PITPNM2: variants seen among roughly 807,000 people sequenced by gnomAD.
PITPNM2 encodes the protein membrane-associated phosphatidylinositol transfer protein 2.
Under a neutral mutation model 132.2 loss-of-function variants are expected in PITPNM2, and 35 were observed. The observed-to-expected ratio is 0.26, with a 90% CI of 0.20 to 0.35. The LOEUF (loss-of-function observed/expected upper bound fraction) is 0.35, where lower values mean the gene tolerates loss of function less well. Among genes scored for constraint, PITPNM2 ranks in the 10% least tolerant of loss-of-function variants. PITPNM2 has a pLI of 1.00. For synonymous variants in PITPNM2, 738 were observed against 799.2 expected, an observed-to-expected ratio of 0.92 and a Z score of 1.29; for missense variants, 1,332 against 1,912.0, an observed-to-expected ratio of 0.70 and a Z score of 5.66.
chr12:123,072,670 G>A (rs1052395039), intron 2 of PITPNM2, among the ~76,000 whole-genome samples: 1 of 152,242 alleles, frequency 6.6e-6, no homozygotes, highest in Non-Finnish European at 1.5e-5. Flanking sequence ...AGTGCTCCCT[G>A]TCAACAGCTG....
intron 2 of PITPNM2, among the ~76,000 whole-genome samples, chr12:123,048,990 C>T (rs2040768572): frequency 6.6e-6 from 1 of 152,010 alleles, no homozygotes; most frequent in South Asian, 2.1e-4. Flanking sequence ...TAAAACTAGC[C>T]CAGCATGGTG....
At chr12:123,029,312 T>G (rs555897731) in intron 3 of PITPNM2, among the ~76,000 whole-genome samples, 1 of 152,200 alleles carries the variant, frequency 6.6e-6, no homozygotes, top group Non-Finnish European at 1.5e-5. Flanking sequence ...AAACTGGCTG[T>G]GCATGGTGGC....
intron 2 of PITPNM2, among the ~76,000 whole-genome samples, chr12:123,100,429 C>A (rs539062461): frequency 6.6e-6 from 1 of 152,174 alleles, no homozygotes; most frequent in East Asian, 1.9e-4. Context: ...AGATCGAGAC[C>A]AGCCTGACCA....
At chr12:123,135,797 C>T (rs1273942034) in intron 1 of PITPNM2, among the ~76,000 whole-genome samples, 1 of 152,220 alleles carries the variant, frequency 6.6e-6, no homozygotes, top group Non-Finnish European at 1.5e-5. Context: ...TAGCCCCAAA[C>T]TCCTGAGCTC....
chr12:122,986,672 T>A lies in PITPNM2; in HGVS notation c.3571A>T (p.Asn1191Tyr). 1.9e-6 allele frequency: 3 copies of A among 1,613,342 alleles called. No individual in the cohort carries two copies. The highest frequency in any genetic ancestry group is 2.5e-6 in the Non-Finnish European group (3 of 1,179,922). ...LVHDPLRHKANFLKLLISELH... is the reference protein window; with the variant it reads ...LVHDPLRHKAYFLKLLISELH... ...TCGGAGATGAGCAGCTTCAGGAAGTTGGCCTTGTGCCGCAGCGGGTCATGC... is the reference window on the plus strand; with the variant it reads ...TCGGAGATGAGCAGCTTCAGGAAGTAGGCCTTGTGCCGCAGCGGGTCATGC... Residue 1191 changes from asparagine (N) to tyrosine (Y), a missense_variant, in exon 24 of 26, where the codon AAC becomes TAC. By Grantham distance (143) the Asn-to-Tyr change is moderately radical. Transcript: ENST00000320201.
intron 2 of PITPNM2, chr12:123,090,165 C>T (rs2042218733): frequency 6.6e-6 from 1 of 152,190 alleles, no homozygotes; most frequent in Admixed American, 6.6e-5. Context: ...CTGCAGTCAT[C>T]TGAAGGTTTG....
upstream of PITPNM2, among the ~76,000 whole-genome samples, chr12:123,151,680 G>A (rs1305405951): frequency 2.6e-5 from 4 of 152,158 alleles, no homozygotes; most frequent in Non-Finnish European, 5.9e-5. Flanking sequence ...GTTTAATCCG[G>A]ATGATCTGGC....
At chr12:123,147,611 G>A (rs1179846169) in intron 1 of PITPNM2, among the ~76,000 whole-genome samples, 1 of 152,190 alleles carries the variant, frequency 6.6e-6, no homozygotes, top group African/African-American at 2.4e-5. Flanking sequence ...CAATAAATAT[G>A]CTGATGTTGA....
At chr12:123,060,978 A>G (rs1316831862) in intron 2 of PITPNM2, among the ~76,000 whole-genome samples, 1 of 152,024 alleles carries the variant, frequency 6.6e-6, no homozygotes, top group African/African-American at 2.4e-5. Flanking sequence ...GCATCCCTTC[A>G]CCCATGCATC....
At chr12:123,151,290 T>A (rs1206521174), upstream of PITPNM2, among the ~76,000 whole-genome samples, 2 of 150,336 alleles carry the variant, frequency 1.3e-5, no homozygotes, top group African/African-American at 4.9e-5. Context: ...ACCCCGCTCC[T>A]CCCCGGCTCG....
chr12:123,007,220 T>C (rs2038972506), intron 6 of PITPNM2, among the ~76,000 whole-genome samples: 1 of 152,232 alleles, frequency 6.6e-6, no homozygotes, highest in Non-Finnish European at 1.5e-5. Flanking sequence ...GGGTGAGTTT[T>C]GTCCATGGAT....
intron 1 of PITPNM2, among the ~76,000 whole-genome samples, chr12:123,127,314 G>A (rs2043159320): frequency 1.3e-5 from 2 of 152,162 alleles, no homozygotes; most frequent in Admixed American, 1.3e-4. Flanking sequence ...GCAGCTGCCT[G>A]AACTGTCCGG....
rs190175308 is a variant in PITPNM2 at position 123,116,016 on chromosome 12, G to A, written c.-199-5528C>T. Among the ~76,000 whole-genome samples, 263 of 152,324 alleles carry A rather than the reference G, an allele frequency of 1.7e-3. 1 individual carries two copies. Among genetic ancestry groups the A allele is most frequent in the Middle Eastern group, 6.8e-3 (2 of 294 alleles). On this transcript the variant is annotated intron_variant, in intron 1 of 25. Transcript: ENST00000320201. ...GGGTTTATGTGAATGGGTCTGCAAA[G>A]ATCTTTTCCCAGGGTGGTTGCCGGG...
Position 122,995,610 on chromosome 12 carries a change from G to C in PITPNM2, c.1833C>G (p.Cys611Trp). 1 of 1,604,234 alleles carries C rather than the reference G, an allele frequency of 6.2e-7. No individual in the cohort carries two copies. The highest frequency in any genetic ancestry group is 2.2e-5 in the East Asian group (1 of 44,772). Residue 611 changes from cysteine to tryptophan, a missense_variant, in exon 14 of 26, where the codon TGC becomes TGG. Around this residue, in one of 6 missense-constraint regions of PITPNM2, gnomAD observed 710 missense variants for 911.5 expected, o/e 0.78. Coordinates refer to ENST00000320201, the MANE Select transcript of PITPNM2 (RefSeq NM_020845.3). Reference protein sequence around the residue: ...PGILMNAAHCCGGGGGGGGGG... With the variant: ...PGILMNAAHCWGGGGGGGGGG... Reference sequence around the variant, plus strand: ...CGCCACCGCCGCCACCGCCACCACCGCAGCAGTGTGCTGCATTCATCAGGA... The same window carrying C: ...CGCCACCGCCGCCACCGCCACCACCCCAGCAGTGTGCTGCATTCATCAGGA...
rs1348771910 is a variant in PITPNM2 at position 122,988,883 on chromosome 12, G to C, written c.2732-11C>G. 1 of 1,553,226 alleles carries C rather than the reference G, an allele frequency of 6.4e-7. No individual in the cohort carries two copies. Reference sequence around the variant, plus strand: ...ACCACTTTGCAGCGACTGCCAGGAGGGGCCGTGACTGGGCTGGGGCTGTAT... The same window carrying C: ...ACCACTTTGCAGCGACTGCCAGGAGCGGCCGTGACTGGGCTGGGGCTGTAT... On this transcript the variant is annotated splice_polypyrimidine_tract_variant and intron_variant, in intron 18 of 25. Transcript: ENST00000320201.
intron 8 of PITPNM2, among the ~76,000 whole-genome samples, chr12:123,003,624 T>C (rs1319335597): frequency 6.6e-6 from 1 of 152,240 alleles, no homozygotes; most frequent in Non-Finnish European, 1.5e-5. Context: ...CCTTATGTGG[T>C]TCCTGTGCCC....
chr12:123,040,812 T>C (rs1424217752), intron 2 of PITPNM2, among the ~76,000 whole-genome samples: 1 of 152,200 alleles, frequency 6.6e-6, no homozygotes, highest in Non-Finnish European at 1.5e-5. Context: ...TTAAATTTAA[T>C]TTTTACTTTA....
At chr12:123,124,121 T>G (rs892320543) in intron 1 of PITPNM2, among the ~76,000 whole-genome samples, 10 of 149,174 alleles carry the variant, frequency 6.7e-5, no homozygotes, top group Admixed American at 2.0e-4. Flanking sequence ...CCTGGCGTGG[T>G]GGCAGATGCC....
chr12:123,091,539 G>A (rs895505946), intron 2 of PITPNM2: 1 of 152,230 alleles, frequency 6.6e-6, no homozygotes, highest in Non-Finnish European at 1.5e-5. Flanking sequence ...GGTGCTGAGT[G>A]AGGGTCATGG....
Sources: allele counts gnomAD v4.1 joint callset (sites outside exome capture counted in the v4.1 genomes callset), GRCh38; gene constraint gnomAD v4.1.1; regional missense constraint gnomAD v4.1.1; transcripts MANE v1.5; gene names NCBI Gene and HGNC (gene_info 2026-07-23, HGNC 2026-07-21).